KIAA1217: variants seen among roughly 807,000 people sequenced by gnomAD.
The protein encoded by KIAA1217 is KIAA1217.
Under a neutral mutation model 163.9 loss-of-function variants are expected in KIAA1217, and 88 were observed. That is an observed-to-expected ratio of 0.54 (90% CI 0.45 to 0.64). The LOEUF is 0.64. KIAA1217 is among the 30% of genes least tolerant of loss of function. The pLI is 0.00. For synonymous variants in KIAA1217, 903 were observed against 923.1 expected, an observed-to-expected ratio of 0.98 and a Z score of 0.39; for missense variants, 2,372 against 2,475.0, an observed-to-expected ratio of 0.96 and a Z score of 0.88.
At chr10:24,131,496 C>T (rs141183268) in intron 2 of KIAA1217, among the ~76,000 whole-genome samples, 1 of 152,150 alleles carries the variant, frequency 6.6e-6, no homozygotes, top group Non-Finnish European at 1.5e-5. Context: ...TATCTTTCTC[C>T]TACTCCACAA....
intron 1 of KIAA1217, among the ~76,000 whole-genome samples, chr10:23,741,912 T>C (rs1839139886): frequency 6.6e-6 from 1 of 152,156 alleles, no homozygotes. Context: ...TCTGGGGATA[T>C]GGAGTCCAGG....
chr10:24,297,983 C>T (rs116380448), intron 2 of KIAA1217, among the ~76,000 whole-genome samples: 169 of 151,456 alleles, frequency 1.1e-3, no homozygotes, highest in African/African-American at 3.5e-3. Flanking sequence ...CACTTGAGGC[C>T]GTGACTTTAG....
chr10:24,315,778 G>T (rs367770563), intron 2 of KIAA1217, among the ~76,000 whole-genome samples: 1 of 151,418 alleles, frequency 6.6e-6, no homozygotes, highest in Non-Finnish European at 1.5e-5. Context: ...AAAAAAATAT[G>T]TGCAGAATCC....
At chr10:24,046,363 T>G (rs957091404) in intron 2 of KIAA1217, among the ~76,000 whole-genome samples, 1 of 152,180 alleles carries the variant, frequency 6.6e-6, no homozygotes, top group Non-Finnish European at 1.5e-5. Context: ...GTCCTATTGC[T>G]ATTCCTATTT....
At chr10:23,758,147 G>A (rs1834016419) in intron 1 of KIAA1217, among the ~76,000 whole-genome samples, 1 of 152,148 alleles carries the variant, frequency 6.6e-6, no homozygotes. Context: ...ATATTGGGAA[G>A]CTTTTGCCTC....
At chr10:24,411,171 A>G (rs1201025125) in intron 3 of KIAA1217, among the ~76,000 whole-genome samples, 1 of 152,168 alleles carries the variant, frequency 6.6e-6, no homozygotes, top group African/African-American at 2.4e-5. Flanking sequence ...CTGACATGCA[A>G]TTGCTCTTCA....
At position 24,388,909 on chromosome 10, in the gene KIAA1217, G is replaced by T. The variant is rs968161121; in HGVS notation, c.553+7842G>T. On this transcript the variant is annotated intron_variant, in intron 3 of 20. Coordinates refer to ENST00000376454, the MANE Select transcript of KIAA1217 (RefSeq NM_019590.5). ...TCATTAAAAAGTCAGGAAACGACAT[G>T]TGCTGGAGAGGATGTGGAGAAATAG... Among the ~76,000 whole-genome samples the T allele has an allele frequency of 3.5e-5, 5 of 144,552 alleles. 1 individual carries two copies. The highest frequency in any genetic ancestry group is 7.5e-5 in the Non-Finnish European group (5 of 67,098). The allele number at this position is 144,552 out of a possible 152,430, so 94.8% of individuals were successfully genotyped here.
In KIAA1217 at chr10:23,820,935, T is replaced by G. The variant is rs12265872; in HGVS notation, c.-321+125701T>G. Among the ~76,000 whole-genome samples, 1,072 of 152,264 alleles carry G rather than the reference T, an allele frequency of 7.0e-3. 18 individuals are homozygous for G. The highest frequency in any genetic ancestry group is 0.025 in the African/African-American group (1,028 of 41,544). On this transcript the variant is annotated intron_variant, in intron 1 of 18. Coordinates refer to the KIAA1217 transcript ENST00000376462. The stretch of plus-strand genomic sequence containing the variant: ...TGTGCCCCCTTTGTACAAGAGATAT[T>G]CCATTTGCATATTTAGGTTTCATGC...
Position 24,209,221 on chromosome 10 carries a change from G to A in KIAA1217, c.28G>A (p.Glu10Lys). 6.2e-7 allele frequency: 1 copy of A among 1,613,972 alleles called. No homozygotes were observed. Among genetic ancestry groups the A allele is most frequent in the Admixed American group, 1.7e-5 (1 of 60,022 alleles). MEENESQKC[E>K]PCLPYSADRR... ...GGAAGAAAATGAAAGCCAGAAATGTGAGCCGTGCCTTCCTTACTCAGCAGA... is the reference window on the plus strand; with the variant it reads ...GGAAGAAAATGAAAGCCAGAAATGTAAGCCGTGCCTTCCTTACTCAGCAGA... The change falls in exon 1 of 21, where the codon GAG becomes AAG. Residue 10 changes from glutamate to lysine, a missense_variant. By Grantham distance (56) the Glu-to-Lys change is moderately conservative. Around this residue, in one of 3 missense-constraint regions of KIAA1217, gnomAD observed 1,431 missense variants for 1,470.3 expected, o/e 0.97. Coordinates refer to ENST00000376454, the MANE Select transcript of KIAA1217 (RefSeq NM_019590.5).
intron 1 of KIAA1217, among the ~76,000 whole-genome samples, chr10:23,819,653 T>C (rs1268210989): frequency 6.6e-6 from 1 of 152,212 alleles, no homozygotes; most frequent in East Asian, 1.9e-4. Context: ...CAAAAAGTTT[T>C]GCCCATAGAC....
chr10:24,044,072 C>G (rs1302678954), intron 2 of KIAA1217, among the ~76,000 whole-genome samples: 1 of 152,040 alleles, frequency 6.6e-6, no homozygotes. Context: ...TATTCTATGA[C>G]AAGACATTTT....
chr10:24,019,750 C>G (rs547083854), intron 2 of KIAA1217, among the ~76,000 whole-genome samples: 3 of 151,796 alleles, frequency 2.0e-5, no homozygotes, highest in African/African-American at 7.2e-5. Flanking sequence ...TTTGTTAAAT[C>G]CTAGACTAGG....
chr10:24,177,300 A>ATAG, intron 2 of KIAA1217, among the ~76,000 whole-genome samples: 1 of 13,052 alleles, frequency 7.7e-5, no homozygotes, highest in South Asian at 3.3e-3. Flanking sequence ...TATATATATT[A>ATAG]CAATTTCTTT....
intron 1 of KIAA1217, among the ~76,000 whole-genome samples, chr10:23,826,664 T>C (rs1837914597): frequency 6.6e-6 from 1 of 152,160 alleles, no homozygotes; most frequent in South Asian, 2.1e-4. Context: ...GTCCCTTCCA[T>C]GCTGGGAACA....
At chr10:24,124,712 T>C (rs2063405095) in intron 2 of KIAA1217, among the ~76,000 whole-genome samples, 1 of 152,212 alleles carries the variant, frequency 6.6e-6, no homozygotes, top group Non-Finnish European at 1.5e-5. Flanking sequence ...TTTTAATGCA[T>C]TAACTGGTAA....
At chr10:24,188,966 C>T (rs564185764) in intron 2 of KIAA1217, among the ~76,000 whole-genome samples, 10 of 151,892 alleles carry the variant, frequency 6.6e-5, no homozygotes, top group South Asian at 2.1e-4. Flanking sequence ...ATTAGCCGGG[C>T]GTGGTGGCAG....
intron 1 of KIAA1217, among the ~76,000 whole-genome samples, chr10:23,725,881 T>C (rs80006663): frequency 9.9e-5 from 15 of 152,190 alleles, no homozygotes; most frequent in African/African-American, 3.1e-4. Context: ...CTAATAGATA[T>C]GTATACCAAC....
At chr10:23,839,735 G>A (rs1164883006) in intron 1 of KIAA1217, among the ~76,000 whole-genome samples, 1 of 152,006 alleles carries the variant, frequency 6.6e-6, no homozygotes, top group Non-Finnish European at 1.5e-5. Context: ...CTCCATCTCT[G>A]ATGGCTCCCA....
chr10:24,333,753 A>G (rs1360521129), intron 2 of KIAA1217, among the ~76,000 whole-genome samples: 2 of 152,214 alleles, frequency 1.3e-5, no homozygotes, highest in East Asian at 3.9e-4. Flanking sequence ...CTACAAGTAA[A>G]AGAATGATTA....
Sources: allele counts gnomAD v4.1 joint callset (sites outside exome capture counted in the v4.1 genomes callset), GRCh38; gene constraint gnomAD v4.1.1; regional missense constraint gnomAD v4.1.1; transcripts MANE v1.5; gene names NCBI Gene and HGNC (gene_info 2026-07-23, HGNC 2026-07-21).